Variants in HIVEP3 observed in about 807,000 individuals in gnomAD.
HIVEP3 encodes the protein HIVEP zinc finger 3.
HIVEP3 carries 49 observed loss-of-function variants against 152.8 expected under a neutral mutation model. The observed-to-expected ratio is 0.32, with a 90% confidence interval of 0.26 to 0.41. The LOEUF is 0.41. Among genes scored for constraint, HIVEP3 ranks in the 10% least tolerant of loss-of-function variants. The pLI, the probability that HIVEP3 is intolerant of heterozygous loss-of-function variation, is 1.00. For missense variants in HIVEP3, 2,790 were observed against 3,103.3 expected (o/e 0.90, Z 2.40); for synonymous variants, 1,269 against 1,289.0 (o/e 0.98, Z 0.33).
At chr1:41,589,449 T>C (rs1041917880) in intron 3 of HIVEP3, among the ~76,000 whole-genome samples, 1 of 151,180 alleles carries the variant, frequency 6.6e-6, no homozygotes, top group Non-Finnish European at 1.5e-5. Flanking sequence ...CTCAGGGGAG[T>C]GGGAAGTAAT....
In HIVEP3 at chr1:41,513,296, T is replaced by A. The variant is rs767220097; in HGVS notation, c.5925A>T (p.Ala1975=). 6.2e-7 allele frequency: 1 copy of A among 1,609,500 alleles called. No individual in the cohort carries two copies. ...PRRPWSPSKE[A]GSRPPLARKH... ...TGCGGGCTAGTGGTGGACGGCTGCC[T>A]GCTTCTTTGCTTGGGGACCACGGTC... The change falls in exon 8 of 9, where the codon GCA becomes GCT. Residue 1975 remains alanine, a synonymous_variant. Coordinates refer to ENST00000372583, the MANE Select transcript of HIVEP3 (RefSeq NM_024503.5).
intron 1 of HIVEP3, among the ~76,000 whole-genome samples, chr1:41,960,644 G>T (rs1041632877): frequency 6.6e-6 from 1 of 152,172 alleles, no homozygotes; most frequent in African/African-American, 2.4e-5. Context: ...CTCTGTTGGA[G>T]GTTTTTCCTA....
chr1:42,005,205 T>A (rs1439664630), intron 1 of HIVEP3, among the ~76,000 whole-genome samples: 1 of 152,196 alleles, frequency 6.6e-6, no homozygotes, highest in Non-Finnish European at 1.5e-5. Flanking sequence ...ATTTTGCCCT[T>A]CTAAAGATCT....
chr1:42,021,526 C>T (rs902801318), intron 1 of HIVEP3, among the ~76,000 whole-genome samples: 14 of 151,800 alleles, frequency 9.2e-5, no homozygotes, highest in Admixed American at 2.0e-4. Context: ...ACTTCAGATC[C>T]GTTTATACAC....
intron 5 of HIVEP3, among the ~76,000 whole-genome samples, chr1:41,572,877 A>G (rs984746347): frequency 2.6e-5 from 4 of 152,268 alleles, no homozygotes; most frequent in African/African-American, 9.6e-5. Context: ...TGTATGTTAA[A>G]CCAATTTGAA....
At chr1:41,898,000 C>T (rs1028555770) in intron 1 of HIVEP3, among the ~76,000 whole-genome samples, 3 of 145,324 alleles carry the variant, frequency 2.1e-5, no homozygotes, top group Non-Finnish European at 4.5e-5. Flanking sequence ...AGAAGGAGGA[C>T]CCAGGGTGGA....
At chr1:41,973,044 G>A (rs112387212) in intron 1 of HIVEP3, among the ~76,000 whole-genome samples, 42 of 143,066 alleles carry the variant, frequency 2.9e-4, no homozygotes, top group South Asian at 1.9e-3. Context: ...CCACATGTGC[G>A]TGCACACACA....
chr1:41,861,285 T>C (rs952385543), intron 1 of HIVEP3, among the ~76,000 whole-genome samples: 3 of 152,196 alleles, frequency 2.0e-5, no homozygotes, highest in African/African-American at 7.2e-5. Flanking sequence ...GTGAGCACAC[T>C]GCACCAGGCC....
At chr1:41,867,521 C>A (rs1643999403) in intron 1 of HIVEP3, among the ~76,000 whole-genome samples, 1 of 152,198 alleles carries the variant, frequency 6.6e-6, no homozygotes, top group African/African-American at 2.4e-5. Flanking sequence ...CCTCCAGACT[C>A]ATTCCAGCTG....
At chr1:41,589,073 C>T (rs1045540155) in intron 3 of HIVEP3, among the ~76,000 whole-genome samples, 11 of 152,206 alleles carry the variant, frequency 7.2e-5, no homozygotes, top group African/African-American at 2.7e-4. Context: ...TTTCTACCTT[C>T]TGTGGTTCTG....
chr1:41,599,468 T>A (rs947856324), intron 3 of HIVEP3, among the ~76,000 whole-genome samples: 6 of 151,910 alleles, frequency 3.9e-5, no homozygotes, highest in African/African-American at 1.5e-4. Context: ...AATAATAGAG[T>A]AGAAAGACAA....
chr1:41,945,087 A>C (rs1047878946), intron 1 of HIVEP3, among the ~76,000 whole-genome samples: 2 of 152,176 alleles, frequency 1.3e-5, no homozygotes, highest in African/African-American at 2.4e-5. Context: ...CTATATGTAC[A>C]AACTTTCTTT....
intron 5 of HIVEP3, among the ~76,000 whole-genome samples, chr1:41,530,674 T>G (rs1379391963): frequency 6.6e-6 from 1 of 152,170 alleles, no homozygotes; most frequent in Admixed American, 6.5e-5. Flanking sequence ...CAGCCTAGCC[T>G]TCACCCTGCT....
At chr1:41,760,568 ATTATACAG>A (rs940062807) in intron 1 of HIVEP3, among the ~76,000 whole-genome samples, 3 of 152,326 alleles carry the variant, frequency 2.0e-5, no homozygotes, top group African/African-American at 7.2e-5. Context: ...TCTAGGGCCT[ATTATACAG>A]TAGATACTCA....
At chr1:41,608,523 A>G (rs1478386076) in intron 3 of HIVEP3, among the ~76,000 whole-genome samples, 2 of 152,176 alleles carry the variant, frequency 1.3e-5, no homozygotes, top group African/African-American at 2.4e-5. Flanking sequence ...GCTCTTCTGA[A>G]GGGCTCTCAG....
intron 1 of HIVEP3, among the ~76,000 whole-genome samples, chr1:41,795,286 T>A (rs1047773733): frequency 1.3e-5 from 2 of 152,220 alleles, no homozygotes; most frequent in Non-Finnish European, 2.9e-5. Context: ...GTATTTTGTA[T>A]GATGTCCCTC....
chr1:41,832,396 T>C (rs540384389), intron 1 of HIVEP3, among the ~76,000 whole-genome samples: 1 of 152,254 alleles, frequency 6.6e-6, no homozygotes, highest in Non-Finnish European at 1.5e-5. Flanking sequence ...CCAGGCATGG[T>C]GGTGTGCCCC....
intron 1 of HIVEP3, among the ~76,000 whole-genome samples, chr1:41,857,011 C>T (rs1359736090): frequency 6.6e-6 from 1 of 152,138 alleles, no homozygotes; most frequent in Non-Finnish European, 1.5e-5. Flanking sequence ...AAAGCATTGC[C>T]AGGTTCTCTG....
intron 1 of HIVEP3, among the ~76,000 whole-genome samples, chr1:42,032,664 C>T (rs1187146023): frequency 2.6e-5 from 4 of 152,102 alleles, no homozygotes; most frequent in Admixed American, 6.5e-5. Flanking sequence ...CCCCACCATT[C>T]CCCTGGGAAT....
Sources: gnomAD v4.1 joint callset for allele counts (sites outside exome capture counted in the v4.1 genomes callset) on GRCh38, gnomAD v4.1.1 for gene constraint, MANE v1.5 for transcripts, NCBI Gene and HGNC (gene_info 2026-07-23, HGNC 2026-07-21) for gene names.